The following ZSCAN5A variants were observed in gnomAD, a reference collection of about 807,000 sequenced individuals.
The protein encoded by ZSCAN5A is zinc finger and SCAN domain-containing protein 5A.
Under a neutral mutation model 23.7 loss-of-function variants are expected in ZSCAN5A, and 12 were observed. The ratio of observed to expected loss-of-function variants is 0.51; its 90% confidence interval spans 0.32 to 0.82. The LOEUF (loss-of-function observed/expected upper bound fraction) is 0.82. ZSCAN5A is among the 40% of genes least tolerant of loss of function. The probability of loss-of-function intolerance (pLI) is 0.03; values close to 1 mark genes in which losing one functional copy is unlikely to be tolerated. For synonymous variants in ZSCAN5A, 257 were observed against 239.9 expected, an observed-to-expected ratio of 1.07 and a Z score of -0.66; for missense variants, 597 against 617.9, an observed-to-expected ratio of 0.97 and a Z score of 0.36.
At chr19:56,247,852 C>T (rs546517573) in intron 2 of ZSCAN5A, among the ~76,000 whole-genome samples, 22 of 152,094 alleles carry the variant, frequency 1.4e-4, no homozygotes, top group South Asian at 6.2e-4. Context: ...CCACCATGCC[C>T]GGCTAATTTT....
intron 2 of ZSCAN5A, among the ~76,000 whole-genome samples, chr19:56,282,661 G>A (rs1042131864): frequency 2.0e-5 from 3 of 152,094 alleles, no homozygotes; most frequent in African/African-American, 2.4e-5. Flanking sequence ...GTCCTTTGAT[G>A]AACAACAACA....
intron 2 of ZSCAN5A, among the ~76,000 whole-genome samples, chr19:56,291,960 TC>T (rs2039538539): frequency 6.6e-6 from 1 of 152,176 alleles, no homozygotes; most frequent in African/African-American, 2.4e-5. Flanking sequence ...GTGTAGTTAT[TC>T]CCCACAACTT....
intron 2 of ZSCAN5A, among the ~76,000 whole-genome samples, chr19:56,334,470 TA>T (rs2041516831): frequency 6.6e-6 from 1 of 152,268 alleles, no homozygotes; most frequent in Admixed American, 6.5e-5. Context: ...TTTTATTTTT[TA>T]TTTCTGTGGG....
intron 2 of ZSCAN5A, chr19:56,284,881 A>T: frequency 3.0e-6 from 1 of 329,662 alleles, no homozygotes; most frequent in Non-Finnish European, 4.3e-6. Flanking sequence ...CTGAGGCATT[A>T]TAGCCACACT....
At chr19:56,277,788 T>C (rs967908428) in intron 2 of ZSCAN5A, among the ~76,000 whole-genome samples, 1 of 152,152 alleles carries the variant, frequency 6.6e-6, no homozygotes, top group Non-Finnish European at 1.5e-5. Flanking sequence ...GGATGAAAAC[T>C]ACCTTTTGGG....
intron 2 of ZSCAN5A, among the ~76,000 whole-genome samples, chr19:56,358,169 G>A (rs1243571819): frequency 6.7e-6 from 1 of 148,888 alleles, no homozygotes; most frequent in Non-Finnish European, 1.5e-5. Flanking sequence ...CTCACAGGCT[G>A]TACTGCAGTG....
chr19:56,255,207 T>G (rs1283430520), intron 2 of ZSCAN5A, among the ~76,000 whole-genome samples: 1 of 152,174 alleles, frequency 6.6e-6, no homozygotes, highest in Non-Finnish European at 1.5e-5. Context: ...AACTTCCATT[T>G]TAGTTAGGAA....
chr19:56,244,101 C>T (rs1368382785), intron 2 of ZSCAN5A: 15 of 1,472,158 alleles, frequency 1.0e-5, no homozygotes, highest in African/African-American at 6.9e-5. Context: ...AGCCCTGAGT[C>T]AGAGCCGCCA....
chr19:56,303,077 G>A (rs1315849551), intron 2 of ZSCAN5A: 5 of 391,882 alleles, frequency 1.3e-5, no homozygotes, highest in African/African-American at 1.0e-4. Flanking sequence ...TCTGCTGTGG[G>A]TTAAGGACAG....
chr19:56,279,050 C>T (rs1290416893), intron 2 of ZSCAN5A, among the ~76,000 whole-genome samples: 1 of 152,118 alleles, frequency 6.6e-6, no homozygotes, highest in African/African-American at 2.4e-5. Flanking sequence ...AATCAAATGC[C>T]AAACCACTCA....
At chr19:56,276,317 C>T (rs11672079) in intron 2 of ZSCAN5A, among the ~76,000 whole-genome samples, 63,474 of 151,498 alleles carry the variant, frequency 0.42, 14,377 homozygotes, top group Non-Finnish European at 0.51. Context: ...AGCCCTCCTT[C>T]ACTCCTTTGT....
At chr19:56,289,925 T>G (rs1374564185) in intron 2 of ZSCAN5A, among the ~76,000 whole-genome samples, 3 of 152,198 alleles carry the variant, frequency 2.0e-5, no homozygotes, top group African/African-American at 7.2e-5. Context: ...TCACAAATGT[T>G]TCTTGTACCT....
At chr19:56,292,083 G>A (rs1228755085) in intron 2 of ZSCAN5A, among the ~76,000 whole-genome samples, 7 of 152,144 alleles carry the variant, frequency 4.6e-5, no homozygotes, top group South Asian at 2.1e-4. Context: ...CCTGGGCTGC[G>A]TGACTCAGCT....
chr19:56,314,061 A>G (rs2041213049), intron 1 of ZSCAN5A, among the ~76,000 whole-genome samples: 1 of 152,142 alleles, frequency 6.6e-6, no homozygotes, highest in Non-Finnish European at 1.5e-5. Flanking sequence ...GTGAGGGAAG[A>G]TCCTCAATAT....
intron 2 of ZSCAN5A, among the ~76,000 whole-genome samples, chr19:56,271,444 C>T (rs1203517059): frequency 2.6e-5 from 4 of 152,330 alleles, no homozygotes; most frequent in South Asian, 2.1e-4. Context: ...ACATGTTTTA[C>T]GCCTTGTTTC....
At chr19:56,360,791 T>A (rs1324073242) in intron 2 of ZSCAN5A, among the ~76,000 whole-genome samples, 3 of 152,208 alleles carry the variant, frequency 2.0e-5, no homozygotes, top group Non-Finnish European at 4.4e-5. Context: ...AAAGATTTTA[T>A]GATGAAATCT....
chr19:56,221,851 G>A lies in ZSCAN5A; in HGVS notation c.1215C>T (p.Thr405=), dbSNP rs202185472. 6.4e-5 allele frequency: 104 copies of A among 1,614,060 alleles called. No homozygotes were observed. In the African/African-American group the frequency reaches 1.1e-3, roughly 17 times the overall value. The change falls in exon 6 of 6, where the codon ACC becomes ACT. Residue 405 remains threonine, a synonymous_variant. Transcript: ENST00000683990. ...QLISLQFHQR[T]HTGERPYTCD... is the part of the protein sequence containing the mutation. ...ACGTGTAGGGCCTCTCGCCAGTGTG[G>A]GTTCGCTGGTGAAATTGGAGGCTAA...
At chr19:56,233,454 G>A (rs3745830) in intron 2 of ZSCAN5A, among the ~76,000 whole-genome samples, 118,937 of 151,964 alleles carry the variant, frequency 0.78, 46,699 homozygotes, top group Admixed American at 0.83. Flanking sequence ...ACAGCTGTGC[G>A]CCATAAGGGC....
chr19:56,265,137 A>G (rs2037384783), intron 2 of ZSCAN5A, among the ~76,000 whole-genome samples: 1 of 151,766 alleles, frequency 6.6e-6, no homozygotes, highest in Non-Finnish European at 1.5e-5. Flanking sequence ...TAAATAAATA[A>G]ATTAAATAAA....
Sources: gnomAD v4.1 joint callset for allele counts (sites outside exome capture counted in the v4.1 genomes callset) on GRCh38, gnomAD v4.1.1 for gene constraint, MANE v1.5 for transcripts, NCBI Gene and HGNC (gene_info 2026-07-23, HGNC 2026-07-21) for gene names.